The following STXBP6 variants were observed in gnomAD, a reference collection of about 807,000 sequenced individuals.
The protein encoded by STXBP6 is syntaxin binding protein 6, also known as syntaxin-binding protein 6.
In STXBP6, 21 loss-of-function variants were observed where a neutral mutation model predicts 26.9. That is an observed-to-expected ratio of 0.78 (90% CI 0.55 to 1.12). The LOEUF (loss-of-function observed/expected upper bound fraction) is 1.12. Ranked by LOEUF, STXBP6 falls within the 50% of genes most tolerant of loss-of-function variation. The pLI, the probability that STXBP6 is intolerant of heterozygous loss-of-function variation, is 0.00. For synonymous variants in STXBP6, 97 were observed against 92.6 expected, an observed-to-expected ratio of 1.05 and a Z score of -0.27; for missense variants, 232 against 257.9, an observed-to-expected ratio of 0.90 and a Z score of 0.69.
rs769878995 is a variant in STXBP6, at chr14:24,812,744, G to C, written c.610-12C>G. On this transcript the variant is annotated splice_polypyrimidine_tract_variant and intron_variant, in intron 5 of 5. Transcript: ENST00000323944. ...TGCTTCATGGCAAGCTAAGGAGAGA[G>C]AGGAATGAGAAAAGTAAGACTTTAT... 1.9e-6 allele frequency: 3 copies of C among 1,613,552 alleles called. No individual in the cohort carries two copies. Among genetic ancestry groups the C allele is most frequent in the Non-Finnish European group, 2.5e-6 (3 of 1,179,668 alleles).
chr14:25,024,095 G>T (rs1435883110), intron 1 of STXBP6, among the ~76,000 whole-genome samples: 7 of 151,896 alleles, frequency 4.6e-5, no homozygotes, highest in Non-Finnish European at 7.4e-5. Flanking sequence ...AGATCACAAG[G>T]TCAGGAGATC....
intron 2 of STXBP6, among the ~76,000 whole-genome samples, chr14:24,946,603 C>T (rs2073001492): frequency 6.6e-6 from 1 of 152,130 alleles, no homozygotes; most frequent in South Asian, 2.1e-4. Context: ...TCATCAGGAG[C>T]AGGAATCAAG....
chr14:24,836,892 C>T (rs1486358288), intron 4 of STXBP6, among the ~76,000 whole-genome samples: 1 of 152,080 alleles, frequency 6.6e-6, no homozygotes. Flanking sequence ...CCTTATATGC[C>T]TTACTAACTT....
At chr14:24,996,021 C>T (rs1178073503) in intron 1 of STXBP6, among the ~76,000 whole-genome samples, 1 of 152,106 alleles carries the variant, frequency 6.6e-6, no homozygotes, top group Non-Finnish European at 1.5e-5. Context: ...TGTAGATTTA[C>T]TATATAAATT....
chr14:24,895,870 T>C (rs1423269967), intron 2 of STXBP6, among the ~76,000 whole-genome samples: 1 of 152,156 alleles, frequency 6.6e-6, no homozygotes, highest in African/African-American at 2.4e-5. Context: ...TACTTCCTCT[T>C]TGGGTTGTCT....
chr14:25,023,401 T>A (rs1186524744), intron 1 of STXBP6, among the ~76,000 whole-genome samples: 1 of 152,218 alleles, frequency 6.6e-6, no homozygotes, highest in Non-Finnish European at 1.5e-5. Flanking sequence ...TCTTGATTCA[T>A]CTAAATTTGC....
intron 2 of STXBP6, among the ~76,000 whole-genome samples, chr14:24,970,240 CAAA>C (rs59422065): frequency 8.5e-6 from 1 of 117,960 alleles, no homozygotes. Context: ...GACTCCGTCT[CAAA>C]AAAAAAAAAA....
chr14:24,912,605 A>G (rs1003864617), intron 2 of STXBP6, among the ~76,000 whole-genome samples: 18 of 152,226 alleles, frequency 1.2e-4, no homozygotes, highest in African/African-American at 4.1e-4. Context: ...AGGTTTAAAT[A>G]ACAATTTATT....
chr14:24,814,753 T>G (rs2067921853), intron 5 of STXBP6, among the ~76,000 whole-genome samples: 1 of 152,164 alleles, frequency 6.6e-6, no homozygotes, highest in South Asian at 2.1e-4. Flanking sequence ...TGAGAGGTAG[T>G]TAGGTCATGA....
chr14:25,043,163 T>C (rs1421248287), intron 1 of STXBP6, among the ~76,000 whole-genome samples: 1 of 152,196 alleles, frequency 6.6e-6, no homozygotes, highest in African/African-American at 2.4e-5. Flanking sequence ...GATATGAAGA[T>C]GACAAGGCAC....
At chr14:25,021,964 G>A (rs1191800707) in intron 1 of STXBP6, among the ~76,000 whole-genome samples, 1 of 152,150 alleles carries the variant, frequency 6.6e-6, no homozygotes, top group Admixed American at 6.5e-5. Flanking sequence ...TGACAATAGG[G>A]AGTGGTATAG....
intron 1 of STXBP6, among the ~76,000 whole-genome samples, chr14:25,032,699 T>A (rs1168794765): frequency 6.6e-6 from 1 of 152,214 alleles, no homozygotes; most frequent in African/African-American, 2.4e-5. Flanking sequence ...TCGATCAATG[T>A]AAAATCCTTC....
intron 2 of STXBP6, among the ~76,000 whole-genome samples, chr14:24,894,076 A>T (rs193176316): frequency 6.6e-6 from 1 of 152,362 alleles, no homozygotes; most frequent in Non-Finnish European, 1.5e-5. Context: ...ATGTTAGGGA[A>T]TTTGAACATG....
At chr14:24,939,356 A>C (rs2072718931) in intron 2 of STXBP6, among the ~76,000 whole-genome samples, 1 of 152,230 alleles carries the variant, frequency 6.6e-6, no homozygotes, top group Non-Finnish European at 1.5e-5. Context: ...AGGCAAGCTA[A>C]AGGGTAATGG....
intron 2 of STXBP6, among the ~76,000 whole-genome samples, chr14:24,898,861 G>A (rs1054411984): frequency 1.3e-5 from 2 of 152,066 alleles, no homozygotes; most frequent in African/African-American, 4.8e-5. Flanking sequence ...CAGACTCCTA[G>A]AAAAACCAGA....
At chr14:24,832,388 A>C (rs1026746451) in intron 4 of STXBP6, among the ~76,000 whole-genome samples, 16 of 152,292 alleles carry the variant, frequency 1.1e-4, no homozygotes, top group Non-Finnish European at 2.2e-4. Flanking sequence ...TGAGAACCTC[A>C]CCTCATAGAC....
intron 4 of STXBP6, among the ~76,000 whole-genome samples, chr14:24,829,247 G>A (rs2068382192): frequency 6.6e-6 from 1 of 152,152 alleles, no homozygotes; most frequent in Non-Finnish European, 1.5e-5. Flanking sequence ...ATTCCTTTAA[G>A]TATTGTAATT....
At chr14:24,912,886 C>T (rs2071625574) in intron 2 of STXBP6, among the ~76,000 whole-genome samples, 1 of 152,030 alleles carries the variant, frequency 6.6e-6, no homozygotes, top group Admixed American at 6.6e-5. Context: ...TTTACTAAAA[C>T]ACTGGTCTAA....
chr14:24,844,999 T>A (rs1305567600), intron 4 of STXBP6, among the ~76,000 whole-genome samples: 1 of 151,108 alleles, frequency 6.6e-6, no homozygotes, highest in Non-Finnish European at 1.5e-5. Flanking sequence ...ATTTTCAATA[T>A]CTCCATCATC....
Sources: gnomAD v4.1 joint callset for allele counts (sites outside exome capture counted in the v4.1 genomes callset) on GRCh38, gnomAD v4.1.1 for gene constraint, MANE v1.5 for transcripts, NCBI Gene and HGNC (gene_info 2026-07-23, HGNC 2026-07-21) for gene names.